Variants in NEMP2 observed in about 807,000 individuals in gnomAD.
NEMP2 encodes UPF0571 transmembrane protein.
NEMP2 carries 53 observed loss-of-function variants against 54.2 expected under a neutral mutation model. The observed-to-expected ratio is 0.98, with a 90% confidence interval of 0.78 to 1.23. The LOEUF (loss-of-function observed/expected upper bound fraction) is 1.23. Ranked by LOEUF, NEMP2 falls within the 50% of genes most tolerant of loss-of-function variation. The pLI is 0.00. For synonymous variants in NEMP2, 197 were observed against 190.3 expected, an observed-to-expected ratio of 1.04 and a Z score of -0.29; for missense variants, 455 against 511.3, an observed-to-expected ratio of 0.89 and a Z score of 1.06.
chr2:190,588,646 G>A, the NEMP2 span, among the ~76,000 whole-genome samples: 7 of 152,136 alleles, frequency 4.6e-5, no homozygotes, highest in Admixed American at 1.3e-4. This position sits in a 1 kb window ranked among gnomAD's most constrained non-coding sequence, Gnocchi z 5.0. Context: ...TCAATGTGCT[G>A]TTACTGCTGC....
the NEMP2 span, among the ~76,000 whole-genome samples, chr2:190,573,605 G>C: frequency 2.0e-5 from 3 of 152,142 alleles, no homozygotes; most frequent in Non-Finnish European, 2.9e-5. Context: ...TCAAGCCAAC[G>C]TGTGACAGAT....
At chr2:190,476,726 A>G in the NEMP2 span, among the ~76,000 whole-genome samples, 2 of 152,170 alleles carry the variant, frequency 1.3e-5, no homozygotes, top group Non-Finnish European at 2.9e-5. Context: ...AGGATTATAA[A>G]TCATGCTGCT....
At chr2:190,469,097 C>A in the NEMP2 span, among the ~76,000 whole-genome samples, 18 of 152,068 alleles carry the variant, frequency 1.2e-4, no homozygotes, top group Non-Finnish European at 1.8e-4. The surrounding 1 kb of genome is among the most constrained non-coding windows in gnomAD (Gnocchi z 5.3). Context: ...TGAGAGAATG[C>A]AAGAGGTTGG....
the NEMP2 span, among the ~76,000 whole-genome samples, chr2:190,428,752 C>A: frequency 2.0e-5 from 3 of 152,076 alleles, no homozygotes; most frequent in African/African-American, 7.2e-5. Flanking sequence ...CAGCTCACTG[C>A]AACCCTGCTT....
At chr2:190,619,326 C>T in the NEMP2 span, among the ~76,000 whole-genome samples, 1 of 147,184 alleles carries the variant, frequency 6.8e-6, no homozygotes, top group African/African-American at 2.5e-5. The surrounding 1 kb of genome is among the most constrained non-coding windows in gnomAD (Gnocchi z 5.5). Context: ...ATGGAGACAC[C>T]TGTCTCCACA....
At chr2:190,470,917 A>G in the NEMP2 span, among the ~76,000 whole-genome samples, 1 of 152,034 alleles carries the variant, frequency 6.6e-6, no homozygotes, top group African/African-American at 2.4e-5. Flanking sequence ...ATATATATAT[A>G]CTTTAAGATG....
At chr2:190,555,264 C>T in the NEMP2 span, among the ~76,000 whole-genome samples, 1 of 152,088 alleles carries the variant, frequency 6.6e-6, no homozygotes, top group African/African-American at 2.4e-5. The surrounding 1 kb of genome is among the most constrained non-coding windows in gnomAD (Gnocchi z 4.8). Context: ...GCCTCTTCTC[C>T]TCCAAAGGAT....
the NEMP2 span, among the ~76,000 whole-genome samples, chr2:190,459,805 G>A: frequency 3.9e-5 from 6 of 152,222 alleles, no homozygotes; most frequent in African/African-American, 1.2e-4. The surrounding 1 kb of genome is among the most constrained non-coding windows in gnomAD (Gnocchi z 5.3). Flanking sequence ...TAGAGACTCA[G>A]ACCCAAATTA....
the NEMP2 span, among the ~76,000 whole-genome samples, chr2:190,462,205 A>T: frequency 6.6e-6 from 1 of 152,134 alleles, no homozygotes; most frequent in Non-Finnish European, 1.5e-5. The surrounding 1 kb of genome is among the most constrained non-coding windows in gnomAD (Gnocchi z 5.7). Flanking sequence ...CAGACATTTT[A>T]TGGAGAAATG....
At chr2:190,618,938 G>C in the NEMP2 span, among the ~76,000 whole-genome samples, 1 of 152,178 alleles carries the variant, frequency 6.6e-6, no homozygotes, top group African/African-American at 2.4e-5. Flanking sequence ...AAGATTATTT[G>C]CTCTTTTAAA....
chr2:190,451,750 G>A, the NEMP2 span, among the ~76,000 whole-genome samples: 1 of 152,184 alleles, frequency 6.6e-6, no homozygotes. The surrounding 1 kb of genome is among the most constrained non-coding windows in gnomAD (Gnocchi z 5.0). Flanking sequence ...CAGGGAGAGG[G>A]TAATAAAAGG....
At chr2:190,493,771 T>C in the NEMP2 span, among the ~76,000 whole-genome samples, 8 of 152,268 alleles carry the variant, frequency 5.3e-5, no homozygotes, top group South Asian at 1.2e-3. Flanking sequence ...TGAATTATCA[T>C]TGGGTCAACA....
the NEMP2 span, among the ~76,000 whole-genome samples, chr2:190,597,844 C>T: frequency 6.6e-6 from 1 of 152,274 alleles, no homozygotes; most frequent in Admixed American, 6.5e-5. This position sits in a 1 kb window ranked among gnomAD's most constrained non-coding sequence, Gnocchi z 4.7. Context: ...TGGAATTTCT[C>T]TACTGGAACT....
At chr2:190,577,369 T>A in the NEMP2 span, among the ~76,000 whole-genome samples, 1 of 152,222 alleles carries the variant, frequency 6.6e-6, no homozygotes, top group African/African-American at 2.4e-5. This position sits in a 1 kb window ranked among gnomAD's most constrained non-coding sequence, Gnocchi z 4.8. Context: ...CTATTTCGCT[T>A]AATGTCCAGT....
chr2:190,445,636 G>A, the NEMP2 span, among the ~76,000 whole-genome samples: 1 of 152,074 alleles, frequency 6.6e-6, no homozygotes, highest in Non-Finnish European at 1.5e-5. Flanking sequence ...ATACATAAAA[G>A]ACAGAATAAT....
At chr2:190,497,295 G>A in the NEMP2 span, 1 of 880,086 alleles carries the variant, frequency 1.1e-6, no homozygotes, top group Non-Finnish European at 1.7e-6. This position sits in a 1 kb window ranked among gnomAD's most constrained non-coding sequence, Gnocchi z 5.2. Flanking sequence ...AAGTAATGAA[G>A]TCATTGGTAA....
At position 190,505,804 on chromosome 2, in the gene NEMP2, G is replaced by A. The variant is rs908763341; in HGVS notation, c.*3385C>T. 6.6e-6 allele frequency: 1 copy of A among 152,214 alleles called. No individual in the cohort carries two copies. Among genetic ancestry groups the A allele is most frequent in the Non-Finnish European group, 1.5e-5 (1 of 68,050 alleles). The allele number at this position is 152,214 out of a possible 1,614,324, so 9.4% of individuals were successfully genotyped here. On this transcript the variant is annotated 3_prime_UTR_variant, in exon 9 of 9. Transcript: ENST00000409150. This position sits in a 1 kb window ranked among gnomAD's most constrained non-coding sequence, Gnocchi z 5.8. ...AGTCACAGAGAGGAAAAAGTTGGCA[G>A]GACCTGCATAAAGGAAGGCGTGGTC...
chr2:190,613,327 T>C, the NEMP2 span, among the ~76,000 whole-genome samples: 1 of 152,182 alleles, frequency 6.6e-6, no homozygotes. Flanking sequence ...TAAACCAATA[T>C]TAATGTTTTA....
At chr2:190,442,164 C>G in the NEMP2 span, among the ~76,000 whole-genome samples, 1,579 of 152,280 alleles carry the variant, frequency 0.01, 33 homozygotes, top group African/African-American at 0.035. Context: ...TAAAAGATGA[C>G]TTAATTCTCA....
Sources: gnomAD v4.1 joint callset for allele counts (sites outside exome capture counted in the v4.1 genomes callset) on GRCh38, gnomAD v4.1.1 for gene constraint, Gnocchi (gnomAD v3.1) non-coding constraint, MANE v1.5 for transcripts, NCBI Gene and HGNC (gene_info 2026-07-23, HGNC 2026-07-21) for gene names.